PCDHGA7: variants seen among roughly 807,000 people sequenced by gnomAD.
PCDHGA7 encodes protocadherin gamma subfamily A, 7, also known as protocadherin gamma-A7.
PCDHGA7 carries 44 observed loss-of-function variants against 58.3 expected under a neutral mutation model. The observed-to-expected ratio is 0.75, with a 90% CI of 0.59 to 0.97. PCDHGA7 has a LOEUF of 0.97. Ranked by LOEUF, PCDHGA7 falls within the 50% of genes least tolerant of loss-of-function variation. The pLI is 0.00. For missense variants in PCDHGA7, 1,266 were observed against 1,188.7 expected (o/e 1.06, Z -0.96); for synonymous variants, 516 against 504.2 (o/e 1.02, Z -0.31).
At chr5:141,471,660 A>G (rs1010236543) in intron 1 of PCDHGA7, 12 of 152,184 alleles carry the variant, frequency 7.9e-5, no homozygotes, top group Non-Finnish European at 1.8e-4. Flanking sequence ...GTGGGGATGC[A>G]GAAAAAAATA....
At chr5:141,400,264 C>G (rs1184804812) in intron 1 of PCDHGA7, 2 of 1,614,058 alleles carry the variant, frequency 1.2e-6, no homozygotes. Context: ...GCGCCTGCGA[C>G]GCTCCTCCAG....
chr5:141,388,510 A>T, intron 1 of PCDHGA7: 5 of 1,613,846 alleles, frequency 3.1e-6, no homozygotes, highest in Non-Finnish European at 4.2e-6. Context: ...AAATCCTACC[A>T]CTTGACTTTG....
chr5:141,497,003 A>C (rs928317358), intron 2 of PCDHGA7, among the ~76,000 whole-genome samples: 2 of 152,148 alleles, frequency 1.3e-5, no homozygotes, highest in African/African-American at 4.8e-5. Context: ...CTGGCAGCCA[A>C]CATGGTGAAA....
At chr5:141,423,563 C>G (rs745802952) in intron 1 of PCDHGA7, 3 of 1,613,550 alleles carry the variant, frequency 1.9e-6, no homozygotes, top group Admixed American at 1.7e-5. Flanking sequence ...TATGGGGACA[C>G]GCTCATCAGC....
In PCDHGA7 at chr5:141,491,803, C is replaced by T. The variant is rs2099730932; in HGVS notation, c.2425-3004C>T. ...CTTGCATCCACTCCTCTCCGGCCGG[C>T]TTGGTCGCTGGCTGCGCTCCACCCG... On this transcript the variant is annotated intron_variant, in intron 1 of 3. Transcript: ENST00000518325. This position sits in a 1 kb window ranked among gnomAD's most constrained non-coding sequence, Gnocchi z 6.9. 1 of 1,497,820 alleles carries T rather than the reference C, an allele frequency of 6.7e-7. No individual in the cohort carries two copies. Among genetic ancestry groups the T allele is most frequent in the Non-Finnish European group, 8.9e-7 (1 of 1,124,124 alleles). 92.8% of individuals were successfully genotyped at this position (1,497,820 alleles called of 1,614,324 possible).
chr5:141,418,738 T>G lies in PCDHGA7; in HGVS notation c.2424+33415T>G, dbSNP rs781221446. 4.3e-6 allele frequency: 7 copies of G among 1,613,964 alleles called. No homozygotes were observed. In the South Asian group the frequency reaches 6.6e-5, roughly 15 times the overall value. On this transcript the variant is annotated intron_variant, in intron 1 of 3. Transcript: ENST00000518325. ...CTGACAAAGCTCAGCACGTGTTCTC[T>G]CTGGATTACACTACAGGAAACATTC...
rs2099694486 is a variant in PCDHGA7 at position 141,489,987 on chromosome 5, G to A, written c.2425-4820G>A. The A allele has an allele frequency of 1.2e-6, 2 of 1,614,106 alleles. No homozygotes were observed. The highest frequency in any genetic ancestry group is 1.3e-5 in the African/African-American group (1 of 74,932). The stretch of plus-strand genomic sequence containing the variant: ...CCTTCCAATCCTCAGTTCTACGTGT[G>A]GGAATCCCAGAGAATGCACCCATTG... On this transcript the variant is annotated intron_variant, in intron 1 of 3. Coordinates refer to ENST00000518325, the MANE Select transcript of PCDHGA7 (RefSeq NM_018920.4). The surrounding 1 kb of genome is among the most constrained non-coding windows in gnomAD (Gnocchi z 4.5).
chr5:141,446,747 G>A (rs997132200), intron 1 of PCDHGA7, among the ~76,000 whole-genome samples: 10 of 152,190 alleles, frequency 6.6e-5, no homozygotes, highest in African/African-American at 1.4e-4. Context: ...GATTACAGGC[G>A]TGAGCCACCG....
Position 141,383,277 on chromosome 5 carries a change from T to C in PCDHGA7, c.378T>C (p.Ile126=). Residue 126 remains isoleucine, a synonymous_variant, in exon 1 of 4, where the codon ATT becomes ATC. Coordinates refer to ENST00000518325, the MANE Select transcript of PCDHGA7 (RefSeq NM_018920.4). The part of the protein sequence containing the change: ...LYPIDVEIID[I]NDNVPRFLTE... ...CTATAGACGTGGAAATAATAGATATTAATGACAACGTTCCAAGATTCTTGA... is the reference window on the plus strand; with the variant it reads ...CTATAGACGTGGAAATAATAGATATCAATGACAACGTTCCAAGATTCTTGA... 9 of 1,613,888 alleles carry C rather than the reference T, an allele frequency of 5.6e-6. No individual in the cohort carries two copies. Among genetic ancestry groups the C allele is most frequent in the Non-Finnish European group, 7.6e-6 (9 of 1,179,858 alleles).
intron 1 of PCDHGA7, chr5:141,420,054 G>A (rs1355002535): frequency 6.2e-7 from 1 of 1,614,070 alleles, no homozygotes; most frequent in East Asian, 2.2e-5. Context: ...TCAGTTCTCT[G>A]CTCCAAGTCC....
intron 1 of PCDHGA7, among the ~76,000 whole-genome samples, chr5:141,456,935 C>T (rs894385178): frequency 5.9e-5 from 9 of 152,178 alleles, no homozygotes; most frequent in African/African-American, 2.2e-4. Context: ...TGCACTCCAG[C>T]CTGGGCAACA....
chr5:141,395,542 T>TTGTTTGTGTGTG (rs1267535064), intron 1 of PCDHGA7: 12 of 168,716 alleles, frequency 7.1e-5, no homozygotes, highest in African/African-American at 6.9e-4. Flanking sequence ...TTGCTATTGT[T>TTGTTTGTGTGTG]TGTGTGTGTG....
chr5:141,388,109 C>T, intron 1 of PCDHGA7: 2 of 1,404,160 alleles, frequency 1.4e-6, no homozygotes, highest in Non-Finnish European at 2.0e-6. Context: ...AGCCTTACTT[C>T]ACCGTGAGCG....
chr5:141,413,337 G>A, intron 1 of PCDHGA7: 1 of 1,613,978 alleles, frequency 6.2e-7, no homozygotes, highest in Non-Finnish European at 8.5e-7. Flanking sequence ...ACATCTCCAA[G>A]GACTTGGGTC....
At chr5:141,403,913 G>A (rs567115998) in intron 1 of PCDHGA7, 5 of 1,613,844 alleles carry the variant, frequency 3.1e-6, no homozygotes, top group Non-Finnish European at 8.5e-7. Context: ...GGAAATACAA[G>A]CTGAAGATGG....
At chr5:141,446,295 G>A (rs146503397) in intron 1 of PCDHGA7, among the ~76,000 whole-genome samples, 1 of 152,196 alleles carries the variant, frequency 6.6e-6, no homozygotes, top group Non-Finnish European at 1.5e-5. Flanking sequence ...TGGGGAGCAG[G>A]GATTAAGAGT....
rs1456176347 is a variant in PCDHGA7 at position 141,510,961 on chromosome 5, A to G, written c.2587A>G (p.Ser863Gly). 2 of 1,613,986 alleles carry G rather than the reference A, an allele frequency of 1.2e-6. No individual in the cohort carries two copies. Among genetic ancestry groups the G allele is most frequent in the Non-Finnish European group, 1.7e-6 (2 of 1,179,962 alleles). ...TGTCTCTGCAGAAGCTGCTGATGGG[A>G]GCTCCACCCTGGGAGGGGGTGCCGG... is the stretch of plus-strand genomic sequence containing the variant. Reference protein sequence around the residue: ...LASASEAADGSSTLGGGAGTM... With the variant: ...LASASEAADGGSTLGGGAGTM... Residue 863 changes from serine (S) to glycine (G), a missense_variant, in exon 4 of 4, where the codon AGC (serine) becomes GGC (glycine). Physicochemically the swap from Ser to Gly is moderately conservative, Grantham distance 56. Coordinates refer to ENST00000518325, the MANE Select transcript of PCDHGA7 (RefSeq NM_018920.4).
In PCDHGA7 at chr5:141,489,185, T is replaced by G; in HGVS notation, c.2425-5622T>G. The G allele has an allele frequency of 7.8e-7, 1 of 1,286,838 alleles. No individual in the cohort carries two copies. The highest frequency in any genetic ancestry group is 1.5e-5 in the African/African-American group (1 of 67,216). 79.7% of individuals were successfully genotyped at this position (1,286,838 alleles called of 1,614,324 possible). On this transcript the variant is annotated intron_variant, in intron 1 of 3. Transcript: ENST00000518325. The surrounding 1 kb of genome is among the most constrained non-coding windows in gnomAD (Gnocchi z 4.5). The stretch of plus-strand genomic sequence containing the variant: ...CAGCTGCTGCATTCCAAGCCCTGGG[T>G]CTACCTTGGAGACAGGACAGCACAG...
chr5:141,391,354 T>C (rs1345659874), intron 1 of PCDHGA7: 3 of 150,784 alleles, frequency 2.0e-5, no homozygotes, highest in Non-Finnish European at 3.0e-5. Flanking sequence ...TGTCTGTTAC[T>C]CAGGCTGTAG....
Sources: allele counts gnomAD v4.1 joint callset (sites outside exome capture counted in the v4.1 genomes callset), GRCh38; gene constraint gnomAD v4.1.1; non-coding constraint Gnocchi (gnomAD v3.1); transcripts MANE v1.5; gene names NCBI Gene and HGNC (gene_info 2026-07-23, HGNC 2026-07-21).